Variants in PARVA observed in about 807,000 individuals in gnomAD.
PARVA encodes the protein alpha-parvin.
In PARVA, 25 loss-of-function variants were observed where a neutral mutation model predicts 52.6. The ratio of observed to expected loss-of-function variants is 0.48; its 90% CI spans 0.35 to 0.66. PARVA has a LOEUF of 0.66. Among genes scored for constraint, PARVA ranks in the 30% least tolerant of loss-of-function variants. PARVA has a pLI of 0.01. For missense variants in PARVA, 373 were observed against 450.9 expected (o/e 0.83, Z 1.56); for synonymous variants, 185 against 179.1 (o/e 1.03, Z -0.26).
intron 12 of PARVA, among the ~76,000 whole-genome samples, chr11:12,524,384 A>G (rs1941675548): frequency 6.6e-6 from 1 of 152,174 alleles, no homozygotes; most frequent in Admixed American, 6.6e-5. Flanking sequence ...TCACTTAGTA[A>G]CCATTAAAAT....
intron 1 of PARVA, among the ~76,000 whole-genome samples, chr11:12,386,818 A>C (rs1239611340): frequency 6.6e-6 from 1 of 152,138 alleles, no homozygotes. Context: ...GCTTCTCTCA[A>C]ATTCAGTTTT....
intron 1 of PARVA, among the ~76,000 whole-genome samples, chr11:12,414,844 G>A (rs1589948830): frequency 6.6e-6 from 1 of 152,202 alleles, no homozygotes; most frequent in East Asian, 1.9e-4. Flanking sequence ...GCCAGCCCTG[G>A]ATCGATGTGA....
intron 3 of PARVA, among the ~76,000 whole-genome samples, chr11:12,475,986 TGGGCAAGGGTAGGGGGAAAG>T (rs985748082): frequency 6.6e-6 from 1 of 152,162 alleles, no homozygotes; most frequent in African/African-American, 2.4e-5. Context: ...TGGGCCTGTG[TGGGCAAGGGTAGGGGGAAAG>T]GGGCTAGCCC....
intron 1 of PARVA, among the ~76,000 whole-genome samples, chr11:12,380,187 A>G (rs1054320707): frequency 3.6e-5 from 5 of 140,160 alleles, no homozygotes; most frequent in Admixed American, 2.0e-4. Flanking sequence ...CCTGCAGGAA[A>G]AAGAAGGCCA....
At chr11:12,459,669 GAT>G (rs1269512308) in intron 1 of PARVA, among the ~76,000 whole-genome samples, 1 of 151,214 alleles carries the variant, frequency 6.6e-6, no homozygotes, top group Non-Finnish European at 1.5e-5. Context: ...CACTTAAAGT[GAT>G]ATTTTTATGG....
At chr11:12,398,569 C>G (rs761975700) in intron 1 of PARVA, among the ~76,000 whole-genome samples, 2 of 150,556 alleles carry the variant, frequency 1.3e-5, no homozygotes, top group Non-Finnish European at 3.0e-5. Flanking sequence ...CTCTAGGGAC[C>G]CCCGTCCTCC....
rs537007415 is a variant in PARVA, at chr11:12,529,366, G to C, written c.*1441G>C. On this transcript the variant is annotated 3_prime_UTR_variant, in exon 13 of 13. Coordinates refer to ENST00000334956, the MANE Select transcript of PARVA (RefSeq NM_018222.5). ...GTGACTAGGGGACGAGAAGCATGGGGAAAATATTTGCACTCTAAACATACA... is the reference window on the plus strand; with the variant it reads ...GTGACTAGGGGACGAGAAGCATGGGCAAAATATTTGCACTCTAAACATACA... 6.6e-6 allele frequency: 1 copy of C among 152,280 alleles called. No individual in the cohort carries two copies. The highest frequency in any genetic ancestry group is 1.5e-5 in the Non-Finnish European group (1 of 68,038). The allele number at this position is 152,280 out of a possible 1,614,324, so 9.4% of individuals were successfully genotyped here. A position where few individuals can be genotyped will look rare whatever the true frequency, so the allele number is the denominator to read the frequency against.
At chr11:12,458,336 G>A (rs552217526) in intron 1 of PARVA, among the ~76,000 whole-genome samples, 1 of 152,366 alleles carries the variant, frequency 6.6e-6, no homozygotes, top group South Asian at 2.1e-4. Flanking sequence ...TGCCCAGCCA[G>A]CATGGCCTGC....
rs1358130407 is a variant in PARVA, at chr11:12,534,553, CT to C, written c.*6633del. Among the ~76,000 whole-genome samples, 1 of 152,192 alleles carries C rather than the reference CT, an allele frequency of 6.6e-6. No homozygotes were observed. Among genetic ancestry groups the C allele is most frequent in the Non-Finnish European group, 1.5e-5 (1 of 68,028 alleles). On this transcript the variant is annotated 3_prime_UTR_variant, in exon 13 of 13. Coordinates refer to ENST00000334956, the MANE Select transcript of PARVA (RefSeq NM_018222.5). Reference sequence around the variant, plus strand: ...TATCAATGAAGCAGACTTTTCATTTCTTTTTATTGATCTTCATGTTTTCACA... The same window carrying C: ...TATCAATGAAGCAGACTTTTCATTTCTTTTATTGATCTTCATGTTTTCACA...
At chr11:12,382,837 T>A (rs547612471) in intron 1 of PARVA, among the ~76,000 whole-genome samples, 1 of 152,390 alleles carries the variant, frequency 6.6e-6, no homozygotes, top group South Asian at 2.1e-4. Context: ...ATTCCTTCTT[T>A]ACATGGAAGT....
At chr11:12,488,582 C>G (rs1292178833) in intron 4 of PARVA, among the ~76,000 whole-genome samples, 1 of 152,120 alleles carries the variant, frequency 6.6e-6, no homozygotes, top group Admixed American at 6.5e-5. Context: ...TGAATAGAGC[C>G]ATGGTCTTGA....
chr11:12,419,839 G>A (rs1037836375), intron 1 of PARVA, among the ~76,000 whole-genome samples: 10 of 152,120 alleles, frequency 6.6e-5, no homozygotes, highest in Admixed American at 1.3e-4. Flanking sequence ...TAGCCCTACC[G>A]TGGTTAATGT....
intron 1 of PARVA, among the ~76,000 whole-genome samples, chr11:12,400,773 T>G (rs564372331): frequency 6.6e-6 from 1 of 152,342 alleles, no homozygotes; most frequent in East Asian, 1.9e-4. Context: ...TTCTGACATA[T>G]TTTTGTTAAT....
At chr11:12,383,065 C>T (rs1179555006) in intron 1 of PARVA, among the ~76,000 whole-genome samples, 1 of 152,186 alleles carries the variant, frequency 6.6e-6, no homozygotes, top group Non-Finnish European at 1.5e-5. Context: ...GTTAAGGGAT[C>T]TTTCTTTGCA....
intron 1 of PARVA, among the ~76,000 whole-genome samples, chr11:12,455,305 T>C (rs1260483540): frequency 1.3e-5 from 2 of 152,210 alleles, no homozygotes; most frequent in East Asian, 3.9e-4. Context: ...TCATTAAGTA[T>C]TTGACCAGCC....
chr11:12,400,128 T>C (rs953733464), intron 1 of PARVA, among the ~76,000 whole-genome samples: 11 of 152,360 alleles, frequency 7.2e-5, no homozygotes, highest in South Asian at 6.2e-4. Flanking sequence ...TATATATGCC[T>C]GATCAAATTC....
chr11:12,377,885 C>T, intron 1 of PARVA, 102 bp downstream of exon 1: 1 of 760,132 alleles, frequency 1.3e-6, no homozygotes, highest in Non-Finnish European at 1.8e-6. Flanking sequence ...GCCGCGGGTG[C>T]CCGGCGCGGT....
chr11:12,458,483 G>C (rs1940728395), intron 1 of PARVA, among the ~76,000 whole-genome samples: 1 of 152,238 alleles, frequency 6.6e-6, no homozygotes, highest in South Asian at 2.1e-4. Flanking sequence ...CATATATGAG[G>C]AACAGGATTC....
At chr11:12,518,656 G>A (rs1941601043) in intron 12 of PARVA, 139 bp downstream of exon 12, 1 of 689,738 alleles carries the variant, frequency 1.4e-6, no homozygotes, top group South Asian at 1.7e-5. Context: ...CAGCTGCTCA[G>A]TCCCAGAGAC....
Sources: gnomAD v4.1 joint callset for allele counts (sites outside exome capture counted in the v4.1 genomes callset) on GRCh38, gnomAD v4.1.1 for gene constraint, MANE v1.5 for transcripts, NCBI Gene and HGNC (gene_info 2026-07-23, HGNC 2026-07-21) for gene names.